NBPF20: variants seen among roughly 807,000 people sequenced by gnomAD.
NBPF20 encodes the protein NBPF member 20.
In NBPF20, 90 loss-of-function variants were observed where a neutral mutation model predicts 68.1. The observed-to-expected ratio is 1.32, with a 90% CI of 1.11 to 1.58. The LOEUF is 1.58. Ranked by LOEUF, NBPF20 falls within the 40% of genes most tolerant of loss-of-function variation. The pLI, the probability that NBPF20 is intolerant of heterozygous loss-of-function variation, is 0.00. For synonymous variants in NBPF20, 290 were observed against 228.1 expected, an observed-to-expected ratio of 1.27 and a Z score of -2.45; for missense variants, 816 against 601.2, an observed-to-expected ratio of 1.36 and a Z score of -3.74.
At chr1:145,290,392 TG>T (rs1553657014) in exon 138 of NBPF20, 1 of 149,446 alleles carries the variant, frequency 6.7e-6, no homozygotes, top group Non-Finnish European at 1.5e-5. Flanking sequence ...TGCCCGCAGA[TG>T]GGCTGAGGTT....
At chr1:145,298,333 C>G (rs1318326952) in intron 129 of NBPF20, among the ~76,000 whole-genome samples, 199 bp from the exon 135 acceptor site, 2 of 135,768 alleles carry the variant, frequency 1.5e-5, no homozygotes, top group Non-Finnish European at 3.1e-5. Flanking sequence ...GACAGATAGA[C>G]ACACACACAC....
chr1:145,393,458 AACACAC>A lies in NBPF20; in HGVS notation c.1044-218_1044-213del, dbSNP rs370259133. 2.6e-3 allele frequency among the ~76,000 whole-genome samples: 380 copies of A among 145,262 alleles called. 1 individual carries two copies. The highest frequency in any genetic ancestry group is 4.8e-3 in the East Asian group (23 of 4,818). On this transcript the variant is annotated intron_variant, in intron 9 of 137. Coordinates refer to ENST00000369373, the Ensembl canonical transcript of NBPF20. ...AGACACACACTCACACACACACACA[AACACAC>A]ACACACACACACACACACACACACA...
At chr1:145,291,313 C>T (rs1488749568) in exon 138 of NBPF20, 8 of 724,680 alleles carry the variant, frequency 1.1e-5, no homozygotes, top group Non-Finnish European at 1.6e-5. Context: ...ATGTGCTGCA[C>T]AGTTATGTGA....
At position 145,393,644 on chromosome 1, in the gene NBPF20, A is replaced by G. The variant is rs1662055114; in HGVS notation, c.1043+240T>C. ...AATGTGCTCAAGTTTCCCTGCAGTTACCATGAGAATACAGCTTTTGAGTTA... is the reference window on the plus strand; with the variant it reads ...AATGTGCTCAAGTTTCCCTGCAGTTGCCATGAGAATACAGCTTTTGAGTTA... On this transcript the variant is annotated intron_variant, in intron 9 of 137. Coordinates refer to ENST00000369373, the Ensembl canonical transcript of NBPF20. The G allele has an allele frequency of 1.4e-5, 14 of 1,036,916 alleles. 1 individual carries two copies. The highest frequency in any genetic ancestry group is 2.6e-5 in the Admixed American group (1 of 38,336). The allele number at this position is 1,036,916 out of a possible 1,614,324, so 64.2% of individuals were successfully genotyped here. A position where few individuals can be genotyped will look rare whatever the true frequency, so the allele number is the denominator to read the frequency against.
chr1:145,334,898 G>T (rs1661562152), intron 83 of NBPF20, among the ~76,000 whole-genome samples: 1 of 135,312 alleles, frequency 7.4e-6, no homozygotes, highest in African/African-American at 2.5e-5. Context: ...GTGACACACT[G>T]ATGAAGGGGT....
At chr1:145,393,976 T>C (rs781896858) in intron 8 of NBPF20, 41 bp from the exon 14 acceptor site, 69 of 1,039,206 alleles carry the variant, frequency 6.6e-5, no homozygotes, top group African/African-American at 3.7e-4. Context: ...ATTAAGCAGT[T>C]CTTCCTTGCA....
rs376413621 is a variant in NBPF20 at position 145,291,544 on chromosome 1, T to C, written c.16923A>G (p.Gly5641=). The change falls in exon 138 of 138, where the codon GGA becomes GGG. Residue 5641 remains glycine, a synonymous_variant. Transcript: ENST00000369373. The stretch of plus-strand genomic sequence containing the variant: ...GGGCTGTTTATTGTGGGAATATGAC[T>C]CCCATCTGGAACACCAGGTGGAGAC... The C allele has an allele frequency of 5.4e-4, 876 of 1,611,984 alleles. 1 individual carries two copies. Among genetic ancestry groups the C allele is most frequent in the Middle Eastern group, 1.8e-3 (8 of 4,430 alleles).
chr1:145,411,700 A>G, the NBPF20 span, among the ~76,000 whole-genome samples: 2 of 89,692 alleles, frequency 2.2e-5, no homozygotes, highest in African/African-American at 9.7e-5. Flanking sequence ...TGTTGAATTT[A>G]TTTATAAACA....
At chr1:145,422,117 C>G in the NBPF20 span, among the ~76,000 whole-genome samples, 2 of 150,154 alleles carry the variant, frequency 1.3e-5, no homozygotes, top group East Asian at 1.9e-4. Context: ...TCACGTCGGC[C>G]CTTTAAATGG....
chr1:145,292,379 A>G lies in NBPF20; in HGVS notation c.16697+2T>C. ...TAAGCATCCACAATTGCTGAAAGTC[A>G]CCTGGGGCATGGTGGGTTTTGATCT... On this transcript the variant is annotated splice_donor_variant, in intron 137 of 137. Transcript: ENST00000369373. LOFTEE classifies it high-confidence loss of function. The G allele has an allele frequency of 3.0e-6, 2 of 677,786 alleles. No homozygotes were observed. The highest frequency in any genetic ancestry group is 5.2e-6 in the Non-Finnish European group (2 of 382,910). 42.0% of individuals were successfully genotyped at this position (677,786 alleles called of 1,614,324 possible).
chr1:145,400,145 GC>G (rs1427215236), intron 6 of NBPF20, among the ~76,000 whole-genome samples: 1 of 152,178 alleles, frequency 6.6e-6, no homozygotes, highest in African/African-American at 2.4e-5. Flanking sequence ...TACTGCCTGT[GC>G]ACCTCCTGCA....
the NBPF20 span, among the ~76,000 whole-genome samples, chr1:145,412,434 C>A: frequency 1.3e-5 from 2 of 151,908 alleles, no homozygotes; most frequent in South Asian, 2.1e-4. Context: ...TTTCTATGTA[C>A]ATAAAGGGAG....
At chr1:145,396,701 A>C (rs1329932435) in intron 7 of NBPF20, among the ~76,000 whole-genome samples, 1 of 148,184 alleles carries the variant, frequency 6.7e-6, no homozygotes, top group East Asian at 2.0e-4. Context: ...AATATTCAAC[A>C]TTCTTTTTTT....
chr1:145,410,737 T>TATATATATATATACATATATATATATAC, the NBPF20 span, among the ~76,000 whole-genome samples: 104 of 144,600 alleles, frequency 7.2e-4, no homozygotes, highest in African/African-American at 2.5e-3. Context: ...TGCCTGTCTG[T>TATATATATATATACATATATATATATAC]GTATATATAT....
intron 2 of NBPF20, 57 bp from the exon 8 acceptor site, chr1:145,403,375 A>T: frequency 7.1e-7 from 1 of 1,409,988 alleles, no homozygotes; most frequent in South Asian, 1.2e-5. Flanking sequence ...TGCTGTGGTC[A>T]TTGCCTACAG....
chr1:145,291,709 T>G, exon 138 of NBPF20: 1 of 1,611,846 alleles, frequency 6.2e-7, no homozygotes, highest in Non-Finnish European at 8.5e-7. Context: ...TAGAATAACA[T>G]CCATCCAGTG....
upstream of NBPF20, among the ~76,000 whole-genome samples, chr1:145,407,597 T>C (rs1294070917): frequency 1.4e-5 from 2 of 148,114 alleles, no homozygotes; most frequent in Non-Finnish European, 3.0e-5. Flanking sequence ...TATATATATA[T>C]ATTTTTCTTT....
chr1:145,410,821 TA>T, the NBPF20 span, among the ~76,000 whole-genome samples: 2 of 134,876 alleles, frequency 1.5e-5, no homozygotes, highest in African/African-American at 5.5e-5. Flanking sequence ...TATACGTATA[TA>T]TATATATATA....
At chr1:145,422,595 G>A in the NBPF20 span, among the ~76,000 whole-genome samples, 1 of 151,484 alleles carries the variant, frequency 6.6e-6, no homozygotes, top group Non-Finnish European at 1.5e-5. Context: ...TGACCATGCA[G>A]TCATCCGATT....
Sources: gnomAD v4.1 joint callset for allele counts (sites outside exome capture counted in the v4.1 genomes callset) on GRCh38, gnomAD v4.1.1 for gene constraint, MANE v1.5 for transcripts, NCBI Gene and HGNC (gene_info 2026-07-23, HGNC 2026-07-21) for gene names.